The following AMPH variants were observed in gnomAD, a reference collection of about 807,000 sequenced individuals.
AMPH encodes the protein amphiphysin (Stiff-Mann syndrome with breast cancer 128kD autoantigen).
AMPH carries 49 observed loss-of-function variants against 99.1 expected under a neutral mutation model. The observed-to-expected ratio is 0.49, with a 90% CI of 0.39 to 0.63. The LOEUF (loss-of-function observed/expected upper bound fraction) is 0.63, where lower values mean the gene tolerates loss of function less well. Ranked by LOEUF, AMPH falls within the 20% of genes least tolerant of loss-of-function variation. The pLI is 0.00. For synonymous variants in AMPH, 314 were observed against 317.3 expected, an observed-to-expected ratio of 0.99 and a Z score of 0.11; for missense variants, 759 against 863.4, an observed-to-expected ratio of 0.88 and a Z score of 1.52.
intron 2 of AMPH, among the ~76,000 whole-genome samples, chr7:38,529,648 C>T (rs948659144): frequency 6.6e-6 from 1 of 152,164 alleles, no homozygotes. Context: ...CTGAGGCTCT[C>T]CATACTGCCA....
chr7:38,418,791 C>T (rs1785484732), intron 16 of AMPH, among the ~76,000 whole-genome samples: 1 of 152,004 alleles, frequency 6.6e-6, no homozygotes, highest in Non-Finnish European at 1.5e-5. Flanking sequence ...GTCTTTTTGT[C>T]CCAACAAGAC....
intron 1 of AMPH, 139 bp downstream of exon 1, chr7:38,631,144 T>C: frequency 1.4e-6 from 1 of 714,772 alleles, no homozygotes; most frequent in Non-Finnish European, 1.8e-6. Flanking sequence ...GGGCAGGGCG[T>C]CCCAGCGTCC....
At chr7:38,443,516 G>A (rs953162527) in intron 11 of AMPH, among the ~76,000 whole-genome samples, 17 of 152,074 alleles carry the variant, frequency 1.1e-4, no homozygotes, top group Non-Finnish European at 2.1e-4. Flanking sequence ...ACCAAATGGG[G>A]TTCATCCTAG....
At chr7:38,466,112 T>G (rs17171372) in intron 8 of AMPH, 61 bp downstream of exon 8, 258,944 of 1,349,404 alleles carry the variant, frequency 0.19, 30,405 homozygotes, top group African/African-American at 0.39. Context: ...TTTCATTTGC[T>G]TCCAAAATAA....
At chr7:38,413,214 C>T (rs975173027) in intron 17 of AMPH, among the ~76,000 whole-genome samples, 3 of 152,112 alleles carry the variant, frequency 2.0e-5, no homozygotes, top group Non-Finnish European at 4.4e-5. Flanking sequence ...TCATGGGAAA[C>T]TTTTAAGGTG....
At chr7:38,508,529 A>C (rs1789419629) in intron 2 of AMPH, among the ~76,000 whole-genome samples, 1 of 152,208 alleles carries the variant, frequency 6.6e-6, no homozygotes, top group South Asian at 2.1e-4. Flanking sequence ...TCCAACTCAG[A>C]AACTGTAAGC....
chr7:38,602,920 A>G (rs1562855562), intron 1 of AMPH, among the ~76,000 whole-genome samples: 1 of 152,180 alleles, frequency 6.6e-6, no homozygotes, highest in South Asian at 2.1e-4. Flanking sequence ...ATCGTCTTCA[A>G]AAAGTCAATA....
intron 2 of AMPH, among the ~76,000 whole-genome samples, chr7:38,509,938 A>G (rs1789476249): frequency 6.9e-6 from 1 of 145,006 alleles, no homozygotes; most frequent in African/African-American, 2.6e-5. Context: ...TACAAGGACT[A>G]GAAAAACAAC....
intron 2 of AMPH, among the ~76,000 whole-genome samples, chr7:38,530,024 C>A (rs925910627): frequency 1.8e-4 from 28 of 151,994 alleles, no homozygotes; most frequent in Non-Finnish European, 2.8e-4. Flanking sequence ...GTCACGAAAC[C>A]GCTTGCAAAA....
chr7:38,541,157 C>T (rs1204819750), intron 1 of AMPH, among the ~76,000 whole-genome samples: 1 of 151,982 alleles, frequency 6.6e-6, no homozygotes, highest in African/African-American at 2.4e-5. Flanking sequence ...TCTACTTGTG[C>T]CCATGTCCAG....
chr7:38,432,252 T>C (rs763384200), intron 12 of AMPH, 40 bp from the exon 13 acceptor site: 4 of 1,582,610 alleles, frequency 2.5e-6, no homozygotes, highest in Admixed American at 1.7e-5. Context: ...GTTATACAAA[T>C]CTAAAACATA....
intron 1 of AMPH, among the ~76,000 whole-genome samples, chr7:38,554,354 A>T (rs1791287831): frequency 6.6e-6 from 1 of 152,166 alleles, no homozygotes; most frequent in Non-Finnish European, 1.5e-5. Context: ...AGAAGGCTAA[A>T]ATCAGTAAAT....
chr7:38,435,762 G>A (rs976157001), intron 12 of AMPH, among the ~76,000 whole-genome samples: 4 of 152,182 alleles, frequency 2.6e-5, no homozygotes, highest in Non-Finnish European at 1.5e-5. Context: ...GATCACAGGA[G>A]GGGAGCTTCT....
intron 18 of AMPH, among the ~76,000 whole-genome samples, chr7:38,393,629 G>A (rs1784580103): frequency 1.4e-5 from 2 of 141,134 alleles, no homozygotes; most frequent in South Asian, 4.6e-4. Flanking sequence ...AGAATAATAA[G>A]ATCTAAATAC....
chr7:38,492,859 T>G (rs1176280851), intron 4 of AMPH, among the ~76,000 whole-genome samples: 1 of 152,248 alleles, frequency 6.6e-6, no homozygotes, highest in East Asian at 1.9e-4. Flanking sequence ...ATTATTTTTT[T>G]GTGATGAATT....
chr7:38,441,566 T>C (rs1166094410), intron 11 of AMPH, among the ~76,000 whole-genome samples: 1 of 151,726 alleles, frequency 6.6e-6, no homozygotes, highest in African/African-American at 2.4e-5. Context: ...ATAAACACAA[T>C]GGAACCTCTT....
At chr7:38,583,343 G>A (rs1253462615) in intron 1 of AMPH, among the ~76,000 whole-genome samples, 1 of 152,154 alleles carries the variant, frequency 6.6e-6, no homozygotes, top group Non-Finnish European at 1.5e-5. Flanking sequence ...AATAAAATAT[G>A]CTATACAAAG....
intron 1 of AMPH, among the ~76,000 whole-genome samples, chr7:38,571,404 T>C (rs1344349682): frequency 1.1e-5 from 1 of 93,024 alleles, no homozygotes; most frequent in Admixed American, 1.6e-4. Context: ...TCTATATATA[T>C]AGAATATATA....
chr7:38,421,674 G>A (rs1785585207), intron 16 of AMPH, among the ~76,000 whole-genome samples: 2 of 152,188 alleles, frequency 1.3e-5, no homozygotes, highest in African/African-American at 2.4e-5. Flanking sequence ...CAGGAGCTAG[G>A]ATAAGTATGC....
Sources: gnomAD v4.1 joint callset for allele counts (sites outside exome capture counted in the v4.1 genomes callset) on GRCh38, gnomAD v4.1.1 for gene constraint, MANE v1.5 for transcripts, NCBI Gene and HGNC (gene_info 2026-07-23, HGNC 2026-07-21) for gene names.